Variants in EDIL3 observed in about 807,000 individuals in gnomAD.
EDIL3 encodes EGF like and discoidin domains 3.
Under a neutral mutation model 67.4 loss-of-function variants are expected in EDIL3, and 37 were observed. That is an observed-to-expected ratio of 0.55 (90% CI 0.42 to 0.72). EDIL3 has a LOEUF of 0.72. EDIL3 is among the 30% of genes least tolerant of loss of function. The pLI is 0.00. For synonymous variants in EDIL3, 195 were observed against 196.3 expected (o/e 0.99, Z 0.05); for missense variants, 527 against 586.3 (o/e 0.90, Z 1.04).
intron 10 of EDIL3, among the ~76,000 whole-genome samples, chr5:83,957,413 G>A (rs149321720): frequency 2.0e-4 from 31 of 151,784 alleles, no homozygotes; most frequent in African/African-American, 7.0e-4. Context: ...CTACTCATCT[G>A]ACCTCTGCCT....
intron 4 of EDIL3, among the ~76,000 whole-genome samples, chr5:84,169,809 A>G (rs1748782073): frequency 6.6e-6 from 1 of 152,018 alleles, no homozygotes; most frequent in African/African-American, 2.4e-5. Flanking sequence ...ACATCTGTGC[A>G]ATTCTAGATT....
chr5:84,121,169 G>A (rs1747768072), intron 5 of EDIL3, among the ~76,000 whole-genome samples: 1 of 151,950 alleles, frequency 6.6e-6, no homozygotes, highest in Admixed American at 6.6e-5. Context: ...ACGAATCTGG[G>A]TCTAACCCCT....
intron 9 of EDIL3, among the ~76,000 whole-genome samples, chr5:84,039,667 C>T (rs1746085867): frequency 6.6e-6 from 1 of 152,016 alleles, no homozygotes; most frequent in Non-Finnish European, 1.5e-5. Flanking sequence ...AATAGGATTG[C>T]TGAATTTGGC....
At chr5:84,338,622 T>C (rs972492166) in intron 1 of EDIL3, among the ~76,000 whole-genome samples, 5 of 152,152 alleles carry the variant, frequency 3.3e-5, no homozygotes, top group Non-Finnish European at 5.9e-5. Flanking sequence ...TTTGGTTAAA[T>C]AAGCCTTGTA....
intron 9 of EDIL3, among the ~76,000 whole-genome samples, chr5:83,984,470 C>G (rs943541182): frequency 1.3e-5 from 2 of 152,084 alleles, no homozygotes. Flanking sequence ...GGGGAATCAA[C>G]TGGAAAACCA....
chr5:84,137,500 C>T, intron 4 of EDIL3, 146 bp from the exon 5 acceptor site: 2 of 614,054 alleles, frequency 3.3e-6, no homozygotes. Flanking sequence ...GTCAGTAATA[C>T]AAATGCTGCT....
intron 4 of EDIL3, among the ~76,000 whole-genome samples, chr5:84,160,381 C>T (rs998220198): frequency 2.0e-5 from 3 of 151,982 alleles, no homozygotes; most frequent in Admixed American, 6.6e-5. Context: ...AAAATATAAC[C>T]TATTTGTTTT....
At chr5:84,370,383 G>A (rs1469499416) in intron 1 of EDIL3, among the ~76,000 whole-genome samples, 1 of 152,186 alleles carries the variant, frequency 6.6e-6, no homozygotes, top group African/African-American at 2.4e-5. Flanking sequence ...TTTAGCAGGT[G>A]TGACTGCATG....
At chr5:84,368,701 G>A (rs901568858) in intron 1 of EDIL3, among the ~76,000 whole-genome samples, 2 of 151,334 alleles carry the variant, frequency 1.3e-5, no homozygotes, top group Admixed American at 6.6e-5. Context: ...CCCACGGAAT[G>A]AGAAAAAAAA....
intron 9 of EDIL3, among the ~76,000 whole-genome samples, chr5:84,008,075 C>G (rs1381114848): frequency 2.6e-5 from 4 of 152,018 alleles, no homozygotes; most frequent in Admixed American, 2.0e-4. Context: ...GAGCTAAAAA[C>G]TAAAACAATT....
At chr5:84,051,166 G>C (rs1281417802) in intron 9 of EDIL3, among the ~76,000 whole-genome samples, 1 of 152,180 alleles carries the variant, frequency 6.6e-6, no homozygotes, top group Non-Finnish European at 1.5e-5. Context: ...AATATCCACT[G>C]TTCTGCAGCC....
chr5:84,167,544 T>C (rs952729615), intron 4 of EDIL3, among the ~76,000 whole-genome samples: 1 of 152,204 alleles, frequency 6.6e-6, no homozygotes, highest in Non-Finnish European at 1.5e-5. Flanking sequence ...ATTTCTGTTT[T>C]ATTTTAGTAC....
rs150027693 is a variant in EDIL3, at chr5:83,983,433, A to G, written c.1138-20073T>C. Reference sequence around the variant, plus strand: ...TTGTTTTTAAAATATAGCAAGATCAATTTTTCTTCATAAACAGCAAGGAAA... The same window carrying G: ...TTGTTTTTAAAATATAGCAAGATCAGTTTTTCTTCATAAACAGCAAGGAAA... On this transcript the variant is annotated intron_variant, in intron 9 of 10. Transcript: ENST00000296591. Among the ~76,000 whole-genome samples, 234 of 152,232 alleles carry G rather than the reference A, an allele frequency of 1.5e-3. 2 individuals carry two copies. Among genetic ancestry groups the G allele is most frequent in the African/African-American group, 5.3e-3 (222 of 41,570 alleles).
intron 1 of EDIL3, among the ~76,000 whole-genome samples, chr5:84,375,369 A>T (rs971821129): frequency 2.6e-5 from 4 of 152,166 alleles, no homozygotes; most frequent in Admixed American, 1.3e-4. Flanking sequence ...AAGTTTTTTT[A>T]AAAAAATAAA....
At chr5:83,975,887 C>A (rs1218574098) in intron 9 of EDIL3, among the ~76,000 whole-genome samples, 1 of 151,882 alleles carries the variant, frequency 6.6e-6, no homozygotes, top group Non-Finnish European at 1.5e-5. Flanking sequence ...AACAACTCAC[C>A]AGATACGTCT....
chr5:84,129,460 A>G (rs1747923003), intron 5 of EDIL3, among the ~76,000 whole-genome samples: 1 of 152,000 alleles, frequency 6.6e-6, no homozygotes, highest in Admixed American at 6.6e-5. Context: ...CCCATAGTCA[A>G]TTCCTTTATT....
intron 4 of EDIL3, among the ~76,000 whole-genome samples, chr5:84,151,797 G>A (rs1468234682): frequency 6.6e-6 from 1 of 152,026 alleles, no homozygotes; most frequent in Non-Finnish European, 1.5e-5. Flanking sequence ...GGAAGTTCAT[G>A]AAGTACATTG....
intron 3 of EDIL3, among the ~76,000 whole-genome samples, chr5:84,184,339 G>C (rs1399816445): frequency 6.6e-6 from 1 of 152,146 alleles, no homozygotes; most frequent in Non-Finnish European, 1.5e-5. Flanking sequence ...AATGGATGCA[G>C]AAAACTGAGA....
At chr5:84,322,693 C>T (rs1746673711) in intron 1 of EDIL3, among the ~76,000 whole-genome samples, 1 of 151,910 alleles carries the variant, frequency 6.6e-6, no homozygotes, top group South Asian at 2.1e-4. Context: ...TGATAACAGA[C>T]ATAAATGTAA....
Sources: allele counts gnomAD v4.1 joint callset (sites outside exome capture counted in the v4.1 genomes callset), GRCh38; gene constraint gnomAD v4.1.1; transcripts MANE v1.5; gene names NCBI Gene and HGNC (gene_info 2026-07-23, HGNC 2026-07-21).